CDH13: variants seen among roughly 807,000 people sequenced by gnomAD.
CDH13 encodes cadherin-13.
Under a neutral mutation model 63.8 loss-of-function variants are expected in CDH13, and 24 were observed. That is an observed-to-expected ratio of 0.38 (90% CI 0.27 to 0.53). The LOEUF is 0.53. Ranked by LOEUF, CDH13 falls within the 20% of genes least tolerant of loss-of-function variation. The probability of loss-of-function intolerance (pLI) is 0.85; values close to 1 mark genes in which losing one functional copy is unlikely to be tolerated. For synonymous variants in CDH13, 503 were observed against 355.3 expected (o/e 1.42, Z -4.67); for missense variants, 1,049 against 903.1 (o/e 1.16, Z -2.07).
At chr16:83,063,585 A>G (rs1422599788) in intron 3 of CDH13, among the ~76,000 whole-genome samples, 2 of 152,182 alleles carry the variant, frequency 1.3e-5, no homozygotes, top group Non-Finnish European at 2.9e-5. Flanking sequence ...GCATGACCAG[A>G]CTTGCCAATG....
intron 1 of CDH13, among the ~76,000 whole-genome samples, chr16:82,751,170 G>T (rs1567498229): frequency 1.3e-5 from 2 of 152,152 alleles, no homozygotes; most frequent in African/African-American, 2.4e-5. Context: ...CACCATGATG[G>T]ACAAGAAAAA....
intron 5 of CDH13, among the ~76,000 whole-genome samples, chr16:83,308,025 C>T (rs1276119069): frequency 2.6e-5 from 4 of 152,030 alleles, no homozygotes; most frequent in Non-Finnish European, 2.9e-5. Flanking sequence ...AAATCATTGG[C>T]GTGTATTACC....
intron 1 of CDH13, among the ~76,000 whole-genome samples, chr16:82,783,659 T>C (rs1227009343): frequency 6.6e-6 from 1 of 152,210 alleles, no homozygotes; most frequent in Non-Finnish European, 1.5e-5. Context: ...GCTTGTTCAA[T>C]GAGATTCTAA....
chr16:83,021,562 T>TA (rs1915349628), intron 2 of CDH13, among the ~76,000 whole-genome samples: 1 of 152,240 alleles, frequency 6.6e-6, no homozygotes. Flanking sequence ...CCTTAAGGGT[T>TA]ACATGGCAAA....
At chr16:83,558,034 C>G (rs926743364) in intron 7 of CDH13, among the ~76,000 whole-genome samples, 3 of 152,080 alleles carry the variant, frequency 2.0e-5, no homozygotes, top group East Asian at 1.9e-4. Flanking sequence ...GATTGTACAG[C>G]TTTATATAAA....
intron 9 of CDH13, among the ~76,000 whole-genome samples, chr16:83,673,595 A>G (rs1419471978): frequency 6.6e-6 from 1 of 152,200 alleles, no homozygotes; most frequent in Non-Finnish European, 1.5e-5. Context: ...AAAAAAGAAA[A>G]AAAAGAAAAA....
Position 83,538,484 on chromosome 16 carries a change from G to A in CDH13, c.960+51829G>A, listed in dbSNP as rs112973627. Among the ~76,000 whole-genome samples the A allele has an allele frequency of 8.7e-3, 1,324 of 152,318 alleles. 21 individuals are homozygous for A. Among genetic ancestry groups the A allele is most frequent in the African/African-American group, 0.03 (1,262 of 41,568 alleles). ...ATGACTTTTATGAGATTTCACCCAG[G>A]TGGTTGTTTCTAAATTTATACTCAA... On this transcript the variant is annotated intron_variant, in intron 7 of 13. Coordinates refer to ENST00000567109, the MANE Select transcript of CDH13 (RefSeq NM_001257.5).
At chr16:82,723,492 T>C (rs921222226) in intron 1 of CDH13, among the ~76,000 whole-genome samples, 2 of 152,178 alleles carry the variant, frequency 1.3e-5, no homozygotes, top group African/African-American at 4.8e-5. Flanking sequence ...TCCACCTTAC[T>C]TCAGCAAAAC....
In CDH13 at chr16:83,002,964, C is replaced by T. The variant is rs1011993233; in HGVS notation, c.158-29046C>T. On this transcript the variant is annotated intron_variant, in intron 2 of 13. Transcript: ENST00000567109. ...ATGTACCAAATATATTGTTTTACGACATTCTTGCAAAAGCCTGGAGAGGTA... is the reference window on the plus strand; with the variant it reads ...ATGTACCAAATATATTGTTTTACGATATTCTTGCAAAAGCCTGGAGAGGTA... 2.0e-5 allele frequency among the ~76,000 whole-genome samples: 3 copies of T among 152,190 alleles called. No individual in the cohort carries two copies. The South Asian group carries it at 6.2e-4, about 31-fold the overall frequency.
intron 3 of CDH13, among the ~76,000 whole-genome samples, chr16:83,111,171 CA>C (rs11368028): frequency 0.58 from 85,400 of 147,294 alleles, 24,865 homozygotes; most frequent in Middle Eastern, 0.7. Context: ...GACTCCGTCT[CA>C]AAAAAAAAAG....
At chr16:83,256,344 T>C (rs7195392) in intron 5 of CDH13, among the ~76,000 whole-genome samples, 24,331 of 152,082 alleles carry the variant, frequency 0.16, 2,200 homozygotes, top group East Asian at 0.35. Flanking sequence ...ATAAGTGATT[T>C]TTTAAAAATA....
chr16:83,281,662 A>G (rs1047386090), intron 5 of CDH13, among the ~76,000 whole-genome samples: 3 of 151,574 alleles, frequency 2.0e-5, no homozygotes, highest in Non-Finnish European at 4.4e-5. Flanking sequence ...TAATCCCCGC[A>G]TTTTGGTAGG....
chr16:82,667,573 C>T (rs1472567936), intron 1 of CDH13, among the ~76,000 whole-genome samples: 1 of 144,212 alleles, frequency 6.9e-6, no homozygotes, highest in African/African-American at 2.9e-5. Flanking sequence ...TTGGCAAGGG[C>T]GGAGAGGCTC....
At chr16:83,521,397 T>C (rs148668835) in intron 7 of CDH13, among the ~76,000 whole-genome samples, 3 of 152,144 alleles carry the variant, frequency 2.0e-5, no homozygotes, top group Admixed American at 1.3e-4. Flanking sequence ...TGTATTTTTA[T>C]GCTAATAGAG....
Position 83,678,448 on chromosome 16 carries a change from C to A in CDH13, c.1525C>A (p.His509Asn). ...VNATDPDSLQ[H>N]QTIRYSVYKD... is the part of the protein sequence containing the mutation. ...TGCCACGGACCCCGACTCCCTGCAG[C>A]ATCAAACCATCAGGTGGGTGAGTGG... Residue 509 changes from histidine (H) to asparagine (N), a missense_variant, in exon 10 of 14, where the codon CAT (histidine) becomes AAT (asparagine). His to Asn is a moderately conservative substitution (Grantham distance 68). Coordinates refer to ENST00000567109, the MANE Select transcript of CDH13 (RefSeq NM_001257.5). 1 of 1,613,990 alleles carries A rather than the reference C, an allele frequency of 6.2e-7. No homozygotes were observed. The highest frequency in any genetic ancestry group is 1.1e-5 in the South Asian group (1 of 91,084).
rs534991097 is a variant in CDH13, at chr16:83,007,372, C to T, written c.158-24638C>T. Among the ~76,000 whole-genome samples the T allele has an allele frequency of 2.8e-4, 42 of 152,236 alleles. 1 individual carries two copies. Among genetic ancestry groups the T allele is most frequent in the African/African-American group, 9.9e-4 (41 of 41,538 alleles). The stretch of plus-strand genomic sequence containing the variant: ...ATATTAACATGAAACCCATTTCACA[C>T]GTGAGGAAACTATGGTTCAAAATGG... On this transcript the variant is annotated intron_variant, in intron 2 of 13. Transcript: ENST00000567109.
chr16:83,034,764 C>G (rs1313242937), intron 3 of CDH13, among the ~76,000 whole-genome samples: 1 of 152,126 alleles, frequency 6.6e-6, no homozygotes, highest in Non-Finnish European at 1.5e-5. Flanking sequence ...ACCAACCCCA[C>G]CTTGAGGGCC....
intron 1 of CDH13, among the ~76,000 whole-genome samples, chr16:82,827,679 C>G (rs754218955): frequency 6.6e-6 from 1 of 152,108 alleles, no homozygotes; most frequent in Non-Finnish European, 1.5e-5. Flanking sequence ...CATGGAACCT[C>G]TGGGGAGAAT....
At position 82,793,118 on chromosome 16, in the gene CDH13, C is replaced by T. The variant is rs542552290; in HGVS notation, c.46-65244C>T. ...CTAAGGCATTTCAGGGGCGACTAAA[C>T]AAGTGGCCCATGAAATGGAGGCACC... On this transcript the variant is annotated intron_variant, in intron 1 of 13. Transcript: ENST00000567109. 2.9e-3 allele frequency among the ~76,000 whole-genome samples: 435 copies of T among 152,308 alleles called. 2 individuals are homozygous for T. Among genetic ancestry groups the T allele is most frequent in the Non-Finnish European group, 5.1e-3 (349 of 68,026 alleles).
Sources: gnomAD v4.1 joint callset for allele counts (sites outside exome capture counted in the v4.1 genomes callset) on GRCh38, gnomAD v4.1.1 for gene constraint, MANE v1.5 for transcripts, NCBI Gene and HGNC (gene_info 2026-07-23, HGNC 2026-07-21) for gene names.